Variants in PLBD2 observed in about 807,000 individuals in gnomAD.
PLBD2 encodes phospholipase B domain containing 2.
In PLBD2, 51 loss-of-function variants were observed where a neutral mutation model predicts 68.3. The ratio of observed to expected loss-of-function variants is 0.75; its 90% confidence interval spans 0.60 to 0.94. The LOEUF is 0.94. Among genes scored for constraint, PLBD2 ranks in the 40% least tolerant of loss-of-function variants. The probability of loss-of-function intolerance (pLI) is 0.00; values close to 1 mark genes in which losing one functional copy is unlikely to be tolerated. For synonymous variants in PLBD2, 314 were observed against 339.3 expected, an observed-to-expected ratio of 0.93 and a Z score of 0.82; for missense variants, 729 against 792.2, an observed-to-expected ratio of 0.92 and a Z score of 0.96.
Position 113,372,706 on chromosome 12 carries a change from G to A in PLBD2, c.442G>A (p.Glu148Lys). The A allele has an allele frequency of 1.2e-6, 2 of 1,612,908 alleles. No homozygotes were observed. The highest frequency in any genetic ancestry group is 1.7e-6 in the Non-Finnish European group (2 of 1,179,270). ...VVNYCGPFEY[E>K]VGYCERLKSF... is the part of the protein sequence containing the mutation. Reference sequence around the variant, plus strand: ...GAATTACTGCGGCCCCTTCGAGTATGAAGTCGGCTACTGCGAGAGGCTGAA... The same window carrying A: ...GAATTACTGCGGCCCCTTCGAGTATAAAGTCGGCTACTGCGAGAGGCTGAA... Residue 148 changes from glutamate (E) to lysine (K), a missense_variant, in exon 3 of 12, where the codon GAA (glutamate) becomes AAA (lysine). Transcript: ENST00000280800. The surrounding 1 kb of genome is among the most constrained non-coding windows in gnomAD (Gnocchi z 4.2).
At chr12:113,385,423 AG>A in intron 9 of PLBD2, 140 bp downstream of exon 9, 1 of 783,740 alleles carries the variant, frequency 1.3e-6, no homozygotes, top group Non-Finnish European at 2.1e-6. Flanking sequence ...AGGAGAGCCC[AG>A]ACAGTTTGGC....
In PLBD2 at chr12:113,387,914, C is replaced by T. The variant is rs1957568988; in HGVS notation, c.1602+8C>T. 6.2e-7 allele frequency: 1 copy of T among 1,614,034 alleles called. No individual in the cohort carries two copies. The highest frequency in any genetic ancestry group is 8.5e-7 in the Non-Finnish European group (1 of 1,179,934). On this transcript the variant is annotated splice_region_variant and intron_variant, in intron 11 of 11. Transcript: ENST00000280800. The stretch of plus-strand genomic sequence containing the variant: ...GGGGGTATCGATGTGAAGGTGCTGC[C>T]TCCTCCCTAGGGCCTGAGCTGTGGG...
At chr12:113,377,970 G>A (rs1237622640) in intron 5 of PLBD2, among the ~76,000 whole-genome samples, 3 of 152,188 alleles carry the variant, frequency 2.0e-5, no homozygotes, top group Non-Finnish European at 2.9e-5. Flanking sequence ...ACATTTCTGT[G>A]AACATTTGGT....
chr12:113,369,473 G>A (rs1957370269), intron 2 of PLBD2, among the ~76,000 whole-genome samples: 1 of 152,190 alleles, frequency 6.6e-6, no homozygotes. Flanking sequence ...ATGTTGTTCA[G>A]GGACTCATCA....
rs1372499423 is a variant in PLBD2 at position 113,390,627 on chromosome 12, C to T, written c.*2001C>T. 1 of 152,018 alleles carries T rather than the reference C, an allele frequency of 6.6e-6. No individual in the cohort carries two copies. 9.4% of individuals were successfully genotyped at this position (152,018 alleles called of 1,614,324 possible). A position where few individuals can be genotyped will look rare whatever the true frequency, so the allele number is the denominator to read the frequency against. The stretch of plus-strand genomic sequence containing the variant: ...CCAACCTTCCAACCATTTATCCACC[C>T]ATCCAACTATTTCCATCTGTTCATT... On this transcript the variant is annotated 3_prime_UTR_variant, in exon 12 of 12. Coordinates refer to ENST00000280800, the MANE Select transcript of PLBD2 (RefSeq NM_173542.4).
At chr12:113,368,582 C>G (rs1957361333) in intron 1 of PLBD2, among the ~76,000 whole-genome samples, 1 of 152,170 alleles carries the variant, frequency 6.6e-6, no homozygotes, top group Non-Finnish European at 1.5e-5. Context: ...CACAACCAAG[C>G]CCAAATGAAG....
chr12:113,386,123 C>A (rs1957549666), intron 9 of PLBD2, among the ~76,000 whole-genome samples: 1 of 152,276 alleles, frequency 6.6e-6, no homozygotes, highest in Admixed American at 6.5e-5. Context: ...AGCCACCCCC[C>A]AGCACAAATG....
At chr12:113,383,992 A>G (rs1345376813) in intron 6 of PLBD2, 113 bp from the exon 7 acceptor site, 4 of 873,786 alleles carry the variant, frequency 4.6e-6, no homozygotes, top group South Asian at 2.8e-5. Flanking sequence ...GTGAGACTCT[A>G]TCTCAAAAAA....
Position 113,384,366 on chromosome 12 carries a change from C to T in PLBD2, c.1118+101C>T. 1 of 1,387,002 alleles carries T rather than the reference C, an allele frequency of 7.2e-7. No homozygotes were observed. Among genetic ancestry groups the T allele is most frequent in the Non-Finnish European group, 9.8e-7 (1 of 1,024,356 alleles). 85.9% of individuals were successfully genotyped at this position (1,387,002 alleles called of 1,614,324 possible). ...TGGGGACCAGATGTGGCATCCGGGC[C>T]ACACACCCCACGCCCTCCTTTGTTT... On this transcript the variant is annotated intron_variant, in intron 7 of 11. Transcript: ENST00000280800. The surrounding 1 kb of genome is among the most constrained non-coding windows in gnomAD (Gnocchi z 4.2).
In PLBD2 at chr12:113,384,336, A is replaced by C; in HGVS notation, c.1118+71A>C. The C allele has an allele frequency of 1.3e-6, 2 of 1,506,614 alleles. No individual in the cohort carries two copies. The highest frequency in any genetic ancestry group is 2.3e-5 in the East Asian group (1 of 43,262). The allele number at this position is 1,506,614 out of a possible 1,614,324, so 93.3% of individuals were successfully genotyped here. ...GACCAACCTCCCCTTTAACACTCAC[A>C]CTCCTGGGGACCAGATGTGGCATCC... On this transcript the variant is annotated intron_variant, in intron 7 of 11. Transcript: ENST00000280800. This position sits in a 1 kb window ranked among gnomAD's most constrained non-coding sequence, Gnocchi z 4.2.
rs1223590570 is a variant in PLBD2 at position 113,384,910 on chromosome 12, C to G, written c.1178C>G (p.Pro393Arg). The G allele has an allele frequency of 1.9e-6, 3 of 1,613,746 alleles. No individual in the cohort carries two copies. Among genetic ancestry groups the G allele is most frequent in the Non-Finnish European group, 1.7e-6 (2 of 1,179,920 alleles). ...YKAFIPGGPS[P>R]GSRVLTILEQ... ...GCGTTCATCCCGGGTGGGCCCAGCC[C>G]CGGGAGCCGGGTGCTTACCATCCTG... The change falls in exon 8 of 12, where the codon CCC becomes CGC. Residue 393 changes from proline to arginine, a missense_variant. By Grantham distance (103) the Pro-to-Arg change is moderately radical. Coordinates refer to ENST00000280800, the MANE Select transcript of PLBD2 (RefSeq NM_173542.4). This position sits in a 1 kb window ranked among gnomAD's most constrained non-coding sequence, Gnocchi z 4.2.
intron 2 of PLBD2, among the ~76,000 whole-genome samples, chr12:113,369,904 C>CT (rs937651285): frequency 0.011 from 1,571 of 143,854 alleles, 8 homozygotes; most frequent in South Asian, 0.019. Flanking sequence ...ATGAATTGTA[C>CT]TTTTTTTTTT....
At chr12:113,371,147 G>A (rs1355899754) in intron 2 of PLBD2, among the ~76,000 whole-genome samples, 1 of 152,244 alleles carries the variant, frequency 6.6e-6, no homozygotes, top group Non-Finnish European at 1.5e-5. Flanking sequence ...TGCAGATGGA[G>A]GCATGCATTG....
intron 6 of PLBD2, among the ~76,000 whole-genome samples, chr12:113,382,589 G>A (rs555813539): frequency 6.6e-6 from 1 of 151,618 alleles, no homozygotes; most frequent in Non-Finnish European, 1.5e-5. Flanking sequence ...AACTATAGGC[G>A]CCTGCCACCA....
intron 6 of PLBD2, among the ~76,000 whole-genome samples, chr12:113,381,339 CT>C (rs1444493501): frequency 2.0e-5 from 3 of 151,584 alleles, no homozygotes; most frequent in Non-Finnish European, 4.4e-5. Context: ...TGAATAGAGG[CT>C]GTTTACAGTG....
chr12:113,390,394 C>A lies in PLBD2; in HGVS notation c.*1768C>A, dbSNP rs1957598685. 6.6e-6 allele frequency: 1 copy of A among 152,076 alleles called. No individual in the cohort carries two copies. Among genetic ancestry groups the A allele is most frequent in the Admixed American group, 6.6e-5 (1 of 15,262 alleles). 9.4% of individuals were successfully genotyped at this position (152,076 alleles called of 1,614,324 possible). A position where few individuals can be genotyped will look rare whatever the true frequency, so the allele number is the denominator to read the frequency against. On this transcript the variant is annotated 3_prime_UTR_variant, in exon 12 of 12. Transcript: ENST00000280800. ...CCATTTTCATCTGTTCATTTTCCATCCATCTACCCGTCCACCCATTCACTC... is the reference window on the plus strand; with the variant it reads ...CCATTTTCATCTGTTCATTTTCCATACATCTACCCGTCCACCCATTCACTC...
chr12:113,388,333 A>T, intron 11 of PLBD2, 126 bp from the exon 12 acceptor site: 1 of 913,908 alleles, frequency 1.1e-6, no homozygotes, highest in Non-Finnish European at 1.6e-6. Context: ...CAGAGCAGAG[A>T]CTCAAAAAAA....
chr12:113,370,157 C>G (rs553748477), intron 2 of PLBD2, among the ~76,000 whole-genome samples: 4 of 152,224 alleles, frequency 2.6e-5, no homozygotes, highest in African/African-American at 9.6e-5. Context: ...ACCTCGGCCT[C>G]CCAAAGTGCT....
rs1418104073 is a variant in PLBD2, at chr12:113,372,703, T to C, written c.439T>C (p.Tyr147His). Residue 147 changes from tyrosine to histidine, a missense_variant, in exon 3 of 12, where the codon TAT becomes CAT. Physicochemically the swap from Tyr to His is moderately conservative, Grantham distance 83. Coordinates refer to ENST00000280800, the MANE Select transcript of PLBD2 (RefSeq NM_173542.4). The surrounding 1 kb of genome is among the most constrained non-coding windows in gnomAD (Gnocchi z 4.2). ...GGTGAATTACTGCGGCCCCTTCGAG[T>C]ATGAAGTCGGCTACTGCGAGAGGCT... ...TVVNYCGPFE[Y>H]EVGYCERLKS... 1 of 1,613,706 alleles carries C rather than the reference T, an allele frequency of 6.2e-7. No individual in the cohort carries two copies. Among genetic ancestry groups the C allele is most frequent in the Non-Finnish European group, 8.5e-7 (1 of 1,179,970 alleles).
Sources: allele counts gnomAD v4.1 joint callset (sites outside exome capture counted in the v4.1 genomes callset), GRCh38; gene constraint gnomAD v4.1.1; non-coding constraint Gnocchi (gnomAD v3.1); transcripts MANE v1.5; gene names NCBI Gene and HGNC (gene_info 2026-07-23, HGNC 2026-07-21).